The following ME3 variants were observed in gnomAD, a reference collection of about 807,000 sequenced individuals.
ME3 encodes malic enzyme 3.
ME3 carries 48 observed loss-of-function variants against 68.9 expected under a neutral mutation model. The ratio of observed to expected loss-of-function variants is 0.70; its 90% CI spans 0.55 to 0.89. ME3 has a LOEUF of 0.89. ME3 is among the 40% of genes least tolerant of loss of function. ME3 has a pLI of 0.00. For synonymous variants in ME3, 320 were observed against 318.8 expected, an observed-to-expected ratio of 1.00 and a Z score of -0.04; for missense variants, 675 against 797.4, an observed-to-expected ratio of 0.85 and a Z score of 1.85.
intron 4 of ME3, among the ~76,000 whole-genome samples, chr11:86,546,866 C>T (rs1009011772): frequency 6.6e-5 from 10 of 152,122 alleles, no homozygotes; most frequent in African/African-American, 2.2e-4. Context: ...CACATGCACA[C>T]GTATGTTTAC....
rs564483591 is a variant in ME3 at position 86,597,280 on chromosome 11, A to G, written c.184-37457T>C. ...GAACACGTTCCAAGGTCACGGCAGA[A>G]CCAGCAGTGAGCTTCTGGCCCAGAG... On this transcript the variant is annotated intron_variant, in intron 2 of 14. Transcript: ENST00000543262. Among the ~76,000 whole-genome samples the G allele has an allele frequency of 3.3e-5, 5 of 152,368 alleles. No homozygotes were observed. The South Asian group carries it at 1.0e-3, about 32-fold the overall frequency.
At chr11:86,506,179 G>GA (rs1422015977) in intron 5 of ME3, among the ~76,000 whole-genome samples, 4 of 152,146 alleles carry the variant, frequency 2.6e-5, no homozygotes, top group African/African-American at 9.7e-5. Context: ...TAGAGGCTCT[G>GA]GATGTCTCTC....
In ME3 at chr11:86,453,219, C is replaced by T. The variant is rs907934062; in HGVS notation, c.920-2821G>A. ...TTTGGCGTGTTGGCCAGGCTGGTCTCGAACTCCTGACCTCAGGTGATCTGC... is the reference window on the plus strand; with the variant it reads ...TTTGGCGTGTTGGCCAGGCTGGTCTTGAACTCCTGACCTCAGGTGATCTGC... On this transcript the variant is annotated intron_variant, in intron 8 of 14. Transcript: ENST00000543262. 3.3e-5 allele frequency among the ~76,000 whole-genome samples: 5 copies of T among 152,204 alleles called. No individual in the cohort carries two copies. In the South Asian group the frequency reaches 6.2e-4, roughly 19 times the overall value.
At chr11:86,627,988 T>C (rs1248765772) in intron 2 of ME3, among the ~76,000 whole-genome samples, 1 of 152,174 alleles carries the variant, frequency 6.6e-6, no homozygotes, top group Non-Finnish European at 1.5e-5. Context: ...CCACCCTCCA[T>C]GTCCAGTCAC....
At position 86,550,418 on chromosome 11, in the gene ME3, A is replaced by G. The variant is rs971793347; in HGVS notation, c.467+6135T>C. ...GCCAGAAAGGGGATGATTGAGGGCA[A>G]GAACCCAGATCTCCTGACTCCTAAT... is the stretch of plus-strand genomic sequence containing the variant. On this transcript the variant is annotated intron_variant, in intron 4 of 14. Transcript: ENST00000543262. 9.9e-5 allele frequency among the ~76,000 whole-genome samples: 15 copies of G among 152,174 alleles called. 1 individual carries two copies. Among genetic ancestry groups the G allele is most frequent in the Non-Finnish European group, 4.4e-5 (3 of 68,042 alleles).
chr11:86,476,717 A>G (rs933760502), intron 7 of ME3, among the ~76,000 whole-genome samples: 8 of 152,222 alleles, frequency 5.3e-5, no homozygotes, highest in Non-Finnish European at 7.3e-5. Context: ...GAGGGAGAGC[A>G]AAACTGAATA....
chr11:86,581,304 T>C (rs1206223408), intron 2 of ME3, among the ~76,000 whole-genome samples: 1 of 152,108 alleles, frequency 6.6e-6, no homozygotes, highest in Non-Finnish European at 1.5e-5. Flanking sequence ...TAACGATAGG[T>C]TGTGATTTAA....
intron 7 of ME3, among the ~76,000 whole-genome samples, chr11:86,486,959 C>T (rs1951728261): frequency 1.3e-5 from 2 of 152,214 alleles, no homozygotes; most frequent in Admixed American, 1.3e-4. Context: ...AAGCTGCCTT[C>T]CAAAGCCATT....
At chr11:86,566,734 A>G (rs868475346) in intron 2 of ME3, among the ~76,000 whole-genome samples, 1 of 152,110 alleles carries the variant, frequency 6.6e-6, no homozygotes, top group Non-Finnish European at 1.5e-5. Flanking sequence ...TTAAACCAGG[A>G]TGCATTTTAT....
intron 6 of ME3, among the ~76,000 whole-genome samples, 156 bp downstream of exon 6, chr11:86,497,807 C>A (rs140851027): frequency 4.6e-5 from 7 of 152,140 alleles, no homozygotes; most frequent in Non-Finnish European, 1.0e-4. Context: ...AGGTCCTCTA[C>A]TCCACAACTG....
At chr11:86,497,899 C>T in intron 6 of ME3, 64 bp downstream of exon 6, 1 of 1,503,708 alleles carries the variant, frequency 6.7e-7, no homozygotes, top group Non-Finnish European at 8.9e-7. Flanking sequence ...CACAAACATG[C>T]TCCTCACCCT....
rs1231864376 is a variant in ME3, at chr11:86,623,474, C to CAT, written c.183+48286_183+48287dup. Among the ~76,000 whole-genome samples the CAT allele has an allele frequency of 5.3e-5, 8 of 152,146 alleles. No homozygotes were observed. In the South Asian group the frequency reaches 1.7e-3, roughly 32 times the overall value. ...AATTCCTATAATAAATCTCCTCTTA[C>CAT]ATATCTGTATATGTCCTGTTGGTTT... On this transcript the variant is annotated intron_variant, in intron 2 of 14. Coordinates refer to ENST00000543262, the Ensembl canonical transcript of ME3.
rs148177904 is a variant in ME3, at chr11:86,447,727, G to A, written c.1237+423C>T. Among the ~76,000 whole-genome samples the A allele has an allele frequency of 5.9e-4, 89 of 151,982 alleles. 1 individual carries two copies. Among genetic ancestry groups the A allele is most frequent in the African/African-American group, 1.9e-3 (77 of 41,456 alleles). ...ACAAAAATTAGCCAGGCATGGTGGC[G>A]GGCACCTATAATGCCAGCTACTTGG... On this transcript the variant is annotated intron_variant, in intron 11 of 14. Transcript: ENST00000543262.
At chr11:86,557,491 CA>C (rs1430561428) in intron 3 of ME3, among the ~76,000 whole-genome samples, 2 of 152,260 alleles carry the variant, frequency 1.3e-5, no homozygotes, top group Non-Finnish European at 2.9e-5. Context: ...AATTTTCTAA[CA>C]GGGGTAAAAA....
At position 86,617,666 on chromosome 11, in the gene ME3, G is replaced by C. The variant is rs111520834; in HGVS notation, c.183+54096C>G. On this transcript the variant is annotated intron_variant, in intron 2 of 14. Coordinates refer to ENST00000543262, the Ensembl canonical transcript of ME3. Reference sequence around the variant, plus strand: ...TTGTAGAGAATTGAAAATGGTCTGTGCTTGGCCTCTACCCAAAGGCAAATT... The same window carrying C: ...TTGTAGAGAATTGAAAATGGTCTGTCCTTGGCCTCTACCCAAAGGCAAATT... Among the ~76,000 whole-genome samples the C allele has an allele frequency of 2.5e-3, 374 of 152,240 alleles. 2 individuals carry two copies. Among genetic ancestry groups the C allele is most frequent in the Middle Eastern group, 0.01 (3 of 294 alleles).
chr11:86,562,219 G>A (rs1957272257), intron 2 of ME3, among the ~76,000 whole-genome samples: 1 of 152,102 alleles, frequency 6.6e-6, no homozygotes, highest in Admixed American at 6.6e-5. Flanking sequence ...TACGCACCTA[G>A]AGTTCATTCA....
At chr11:86,475,302 T>C (rs367608232) in intron 7 of ME3, among the ~76,000 whole-genome samples, 2 of 152,290 alleles carry the variant, frequency 1.3e-5, no homozygotes, top group East Asian at 3.9e-4. Context: ...TGCTCTCCTG[T>C]TCCTGTTTTC....
intron 7 of ME3, among the ~76,000 whole-genome samples, chr11:86,478,445 C>G (rs1239514644): frequency 6.6e-6 from 1 of 150,428 alleles, no homozygotes; most frequent in African/African-American, 2.4e-5. Flanking sequence ...AGTAAGATTA[C>G]AGTCAGGGCA....
At chr11:86,556,152 A>T (rs1439975226) in intron 4 of ME3, among the ~76,000 whole-genome samples, 1 of 152,220 alleles carries the variant, frequency 6.6e-6, no homozygotes, top group Admixed American at 6.5e-5. Flanking sequence ...CATCAAAAGA[A>T]TTCAGTCTTT....
Sources: gnomAD v4.1 joint callset for allele counts (sites outside exome capture counted in the v4.1 genomes callset) on GRCh38, gnomAD v4.1.1 for gene constraint, MANE v1.5 for transcripts, NCBI Gene and HGNC (gene_info 2026-07-23, HGNC 2026-07-21) for gene names.